The following GALNT13 variants were observed in gnomAD, a reference collection of about 807,000 sequenced individuals.
GALNT13 encodes the protein polypeptide N-acetylgalactosaminyltransferase 13, also known as UDP-GalNAc:polypeptide N-acetylgalactosaminyltransferase 13.
GALNT13 carries 28 observed loss-of-function variants against 64.2 expected under a neutral mutation model. The ratio of observed to expected loss-of-function variants is 0.44; its 90% CI spans 0.32 to 0.60. GALNT13 has a LOEUF of 0.60. Among genes scored for constraint, GALNT13 ranks in the 20% least tolerant of loss-of-function variants. The pLI is 0.05. For synonymous variants in GALNT13, 214 were observed against 224.6 expected (o/e 0.95, Z 0.42); for missense variants, 577 against 669.8 (o/e 0.86, Z 1.53).
At chr2:153,347,902 A>G in the GALNT13 span, among the ~76,000 whole-genome samples, 247 of 152,282 alleles carry the variant, frequency 1.6e-3, 1 homozygote, top group Non-Finnish European at 2.8e-3. Context: ...GAGTAGTGTT[A>G]ATGCATCATT....
chr2:153,183,582 C>G, the GALNT13 span, among the ~76,000 whole-genome samples: 1 of 152,104 alleles, frequency 6.6e-6, no homozygotes, highest in Non-Finnish European at 1.5e-5. Flanking sequence ...AGATTTTCTT[C>G]TAGGCTTTTT....
At chr2:153,889,790 A>G (rs751344650) in intron 1 of GALNT13, among the ~76,000 whole-genome samples, 5 of 152,064 alleles carry the variant, frequency 3.3e-5, no homozygotes, top group East Asian at 1.9e-4. Context: ...TGAGATCTAC[A>G]TAGTTTAAGG....
chr2:153,409,033 C>A, the GALNT13 span, among the ~76,000 whole-genome samples: 72 of 152,088 alleles, frequency 4.7e-4, no homozygotes, highest in Non-Finnish European at 9.1e-4. Flanking sequence ...CCTCAAACAC[C>A]AGACTCCAAG....
the GALNT13 span, among the ~76,000 whole-genome samples, chr2:153,643,410 C>A: frequency 1.3e-5 from 2 of 151,280 alleles, no homozygotes; most frequent in Non-Finnish European, 3.0e-5. Context: ...GGAAAAATTT[C>A]TGAAAAATAT....
At chr2:154,290,892 G>A (rs188627997) in intron 8 of GALNT13, among the ~76,000 whole-genome samples, 6 of 152,036 alleles carry the variant, frequency 3.9e-5, no homozygotes, top group Non-Finnish European at 5.9e-5. Flanking sequence ...TAAAGGTGGC[G>A]CGTCTGGAGT....
chr2:153,569,990 T>C, the GALNT13 span, among the ~76,000 whole-genome samples: 1 of 152,166 alleles, frequency 6.6e-6, no homozygotes, highest in African/African-American at 2.4e-5. Flanking sequence ...AAAATGTTTT[T>C]TGAAGAACAT....
chr2:153,291,835 G>A, the GALNT13 span, among the ~76,000 whole-genome samples: 3 of 151,868 alleles, frequency 2.0e-5, no homozygotes, highest in Non-Finnish European at 4.4e-5. Context: ...GAGACACGTA[G>A]GGGAAACACC....
the GALNT13 span, among the ~76,000 whole-genome samples, chr2:153,102,630 G>A: frequency 6.6e-5 from 10 of 152,074 alleles, no homozygotes; most frequent in East Asian, 5.8e-4. Flanking sequence ...AACTTGCAAC[G>A]TTTGAGGTAG....
the GALNT13 span, among the ~76,000 whole-genome samples, chr2:153,163,001 G>A: frequency 6.6e-6 from 1 of 152,276 alleles, no homozygotes; most frequent in East Asian, 1.9e-4. Context: ...AGTGAGGCCA[G>A]AAGAAGAGGC....
At chr2:153,206,777 G>T in the GALNT13 span, among the ~76,000 whole-genome samples, 4 of 151,982 alleles carry the variant, frequency 2.6e-5, no homozygotes, top group Non-Finnish European at 4.4e-5. Flanking sequence ...ATAAGCTCAA[G>T]AAATATTTTA....
At chr2:154,202,681 A>G (rs1687236923) in intron 4 of GALNT13, among the ~76,000 whole-genome samples, 1 of 152,162 alleles carries the variant, frequency 6.6e-6, no homozygotes, top group African/African-American at 2.4e-5. Context: ...TTTCACCACC[A>G]TGACACTCTG....
At chr2:153,103,162 C>T in the GALNT13 span, among the ~76,000 whole-genome samples, 1 of 152,146 alleles carries the variant, frequency 6.6e-6, no homozygotes, top group South Asian at 2.1e-4. Context: ...TTCCCTGCAA[C>T]CAGAAGAATA....
the GALNT13 span, among the ~76,000 whole-genome samples, chr2:153,833,698 A>G: frequency 6.6e-6 from 1 of 152,134 alleles, no homozygotes; most frequent in East Asian, 1.9e-4. Flanking sequence ...TCTTTCATAG[A>G]CAAGGGAAGA....
At chr2:153,370,549 A>G in the GALNT13 span, 1 of 152,210 alleles carries the variant, frequency 6.6e-6, no homozygotes, top group Non-Finnish European at 1.5e-5. Flanking sequence ...TAGTAGACTT[A>G]GTAGAAAATA....
chr2:153,170,580 GA>G, the GALNT13 span, among the ~76,000 whole-genome samples: 2 of 152,140 alleles, frequency 1.3e-5, no homozygotes, highest in African/African-American at 4.8e-5. Flanking sequence ...TCACACAGAA[GA>G]AAAAATAGTG....
At chr2:153,803,942 C>A in the GALNT13 span, among the ~76,000 whole-genome samples, 1 of 152,022 alleles carries the variant, frequency 6.6e-6, no homozygotes, top group Non-Finnish European at 1.5e-5. Context: ...ATTATGGCAG[C>A]CAAAATGAAC....
At chr2:153,885,518 A>G (rs1213342754) in intron 1 of GALNT13, among the ~76,000 whole-genome samples, 2 of 152,046 alleles carry the variant, frequency 1.3e-5, no homozygotes, top group Non-Finnish European at 2.9e-5. Context: ...AAAAGATCGT[A>G]TCTCCATTTC....
the GALNT13 span, among the ~76,000 whole-genome samples, chr2:153,661,865 A>G: frequency 3.3e-5 from 5 of 152,224 alleles, no homozygotes; most frequent in Non-Finnish European, 7.3e-5. Context: ...GATTTTCTTC[A>G]TAACATTTTC....
rs552948849 is a variant in GALNT13 at position 154,409,799 on chromosome 2, T to C, written c.1395+717T>C. Among the ~76,000 whole-genome samples the C allele has an allele frequency of 1.1e-4, 16 of 152,056 alleles. No homozygotes were observed. In the South Asian group the frequency reaches 3.3e-3, roughly 32 times the overall value. The stretch of plus-strand genomic sequence containing the variant: ...AAGTTTAGGAGAACCAAAAGTTTTT[T>C]ATCCAGAGGTAGAATTTCTGAGTTA... On this transcript the variant is annotated intron_variant, in intron 11 of 12. Transcript: ENST00000392825.
Sources: gnomAD v4.1 joint callset for allele counts (sites outside exome capture counted in the v4.1 genomes callset) on GRCh38, gnomAD v4.1.1 for gene constraint, MANE v1.5 for transcripts, NCBI Gene and HGNC (gene_info 2026-07-23, HGNC 2026-07-21) for gene names.